KIAA1671: variants seen among roughly 807,000 people sequenced by gnomAD.
KIAA1671 encodes KIAA1671, also known as uncharacterized protein KIAA1671.
In KIAA1671, 52 loss-of-function variants were observed where a neutral mutation model predicts 131.2. The ratio of observed to expected loss-of-function variants is 0.40; its 90% CI spans 0.32 to 0.50. The LOEUF (loss-of-function observed/expected upper bound fraction) is 0.50, where lower values mean the gene tolerates loss of function less well. Ranked by LOEUF, KIAA1671 falls within the 20% of genes least tolerant of loss-of-function variation. The probability of loss-of-function intolerance (pLI) is 0.73; values close to 1 mark genes in which losing one functional copy is unlikely to be tolerated. For missense variants in KIAA1671, 2,360 were observed against 2,364.2 expected (o/e 1.00, Z 0.04); for synonymous variants, 1,003 against 961.6 (o/e 1.04, Z -0.80).
intron 6 of KIAA1671, among the ~76,000 whole-genome samples, chr22:25,081,442 G>T (rs555843075): frequency 6.6e-5 from 10 of 152,314 alleles, no homozygotes; most frequent in African/African-American, 2.4e-4. Context: ...GCATTTCATT[G>T]TGGAGACCAG....
At chr22:24,974,685 CTTTTTT>C (rs34171375) in intron 1 of KIAA1671, among the ~76,000 whole-genome samples, 2 of 81,258 alleles carry the variant, frequency 2.5e-5, no homozygotes, top group African/African-American at 5.4e-5. Context: ...CAGCTCACCT[CTTTTTT>C]TTTTTTTTTT....
chr22:25,016,336 C>CAAGAATCTCTTAGT (rs1925319088), intron 1 of KIAA1671, among the ~76,000 whole-genome samples: 1 of 152,094 alleles, frequency 6.6e-6, no homozygotes, highest in Admixed American at 6.6e-5. Context: ...ACAGGGGCTC[C>CAAGAATCTCTTAGT]CTTAAAAGAG....
At chr22:24,968,200 G>T (rs909306769) in intron 1 of KIAA1671, among the ~76,000 whole-genome samples, 1 of 152,188 alleles carries the variant, frequency 6.6e-6, no homozygotes, top group South Asian at 2.1e-4. Flanking sequence ...GGTAGGGAAG[G>T]GGGGCGGCGG....
intron 1 of KIAA1671, among the ~76,000 whole-genome samples, chr22:24,980,933 G>A (rs147149799): frequency 0.031 from 4,638 of 151,982 alleles, 105 homozygotes; most frequent in Non-Finnish European, 0.048. Flanking sequence ...TTTTAGTAGA[G>A]ACGGGCTTTC....
chr22:25,022,378 C>T (rs909529086), intron 1 of KIAA1671, among the ~76,000 whole-genome samples: 1 of 152,218 alleles, frequency 6.6e-6, no homozygotes, highest in Non-Finnish European at 1.5e-5. Flanking sequence ...CTTCCCTTCT[C>T]TCTTGTGAGG....
intron 1 of KIAA1671, among the ~76,000 whole-genome samples, chr22:24,996,110 G>A (rs531432633): frequency 1.3e-5 from 2 of 152,108 alleles, no homozygotes; most frequent in Non-Finnish European, 2.9e-5. Context: ...ACAAGGCTAG[G>A]TAAGTCATCT....
At position 24,969,451 on chromosome 22, in the gene KIAA1671, CA is replaced by C. The variant is rs368650335; in HGVS notation, c.-208+16688del. 5.8e-4 allele frequency among the ~76,000 whole-genome samples: 87 copies of C among 150,382 alleles called. No homozygotes were observed. The East Asian group carries it at 0.014, about 24-fold the overall frequency. On this transcript the variant is annotated intron_variant, in intron 1 of 12. Coordinates refer to ENST00000358431, the MANE Select transcript of KIAA1671 (RefSeq NM_001145206.2). ...CACTGTATTGTTTATGGAATAATGA[CA>C]AAAAAAAACCTCTGTACATGTTCAT...
At chr22:25,049,145 C>T in intron 5 of KIAA1671, 85 bp from the exon 6 acceptor site, 2 of 1,457,492 alleles carry the variant, frequency 1.4e-6, no homozygotes, top group Non-Finnish European at 1.8e-6. Flanking sequence ...CTTTTTGGTA[C>T]AGAATGGACT....
At chr22:24,979,136 C>T (rs942504226) in intron 1 of KIAA1671, among the ~76,000 whole-genome samples, 19 of 148,726 alleles carry the variant, frequency 1.3e-4, no homozygotes, top group Admixed American at 8.8e-4. Context: ...GCTGGGATTA[C>T]AGGCGCACAT....
intron 6 of KIAA1671, 55 bp from the exon 7 acceptor site, chr22:25,170,765 G>A (rs1240627481): frequency 1.5e-5 from 23 of 1,508,372 alleles, no homozygotes; most frequent in Non-Finnish European, 1.9e-5. Context: ...CAGCCGGGAC[G>A]GGGGTTCTGA....
rs574611877 is a variant in KIAA1671, at chr22:25,126,897, T to C, written c.4531-43923T>C. ...ATATGTTAAAAATAATGAGACTCCGTCCCTGCATTTGGGTTTTTAGAAAAG... is the reference window on the plus strand; with the variant it reads ...ATATGTTAAAAATAATGAGACTCCGCCCCTGCATTTGGGTTTTTAGAAAAG... On this transcript the variant is annotated intron_variant, in intron 6 of 12. Coordinates refer to ENST00000358431, the MANE Select transcript of KIAA1671 (RefSeq NM_001145206.2). Among the ~76,000 whole-genome samples the C allele has an allele frequency of 3.3e-5, 5 of 152,318 alleles. No individual in the cohort carries two copies. In the South Asian group the frequency reaches 1.0e-3, roughly 32 times the overall value.
chr22:25,155,719 TA>T (rs1253810144), intron 6 of KIAA1671, among the ~76,000 whole-genome samples: 1 of 152,108 alleles, frequency 6.6e-6, no homozygotes, highest in Admixed American at 6.6e-5. Flanking sequence ...GTTATGTGTA[TA>T]TTTTTGTGTA....
intron 1 of KIAA1671, among the ~76,000 whole-genome samples, chr22:25,004,347 C>T (rs1924629536): frequency 6.6e-6 from 1 of 152,080 alleles, no homozygotes; most frequent in Admixed American, 6.6e-5. Context: ...AACTCCTGGC[C>T]TCAAGTGAGG....
intron 1 of KIAA1671, among the ~76,000 whole-genome samples, chr22:24,968,133 T>G (rs1468028611): frequency 6.6e-6 from 1 of 152,170 alleles, no homozygotes; most frequent in Non-Finnish European, 1.5e-5. Flanking sequence ...AGTCCTGCCT[T>G]GATGCAGATG....
intron 1 of KIAA1671, among the ~76,000 whole-genome samples, chr22:25,017,399 G>T (rs1372629854): frequency 6.6e-6 from 1 of 151,902 alleles, no homozygotes; most frequent in African/African-American, 2.4e-5. Context: ...ACAAAAAAAG[G>T]GGGTGGTAAC....
At chr22:25,189,512 T>G (rs1218065661) in intron 11 of KIAA1671, among the ~76,000 whole-genome samples, 1 of 152,190 alleles carries the variant, frequency 6.6e-6, no homozygotes, top group Admixed American at 6.5e-5. Context: ...ACTGAGTAGA[T>G]GAGGCCCTTT....
At chr22:25,016,141 C>T (rs2123883337) in intron 1 of KIAA1671, among the ~76,000 whole-genome samples, 1 of 152,228 alleles carries the variant, frequency 6.6e-6, no homozygotes, top group Admixed American at 6.5e-5. Flanking sequence ...CTGCCTCAGC[C>T]TCCCAAGTAG....
chr22:25,142,718 A>G (rs748689592), intron 6 of KIAA1671, among the ~76,000 whole-genome samples: 1 of 152,162 alleles, frequency 6.6e-6, no homozygotes, highest in African/African-American at 2.4e-5. Context: ...ATAAAAATAG[A>G]AAAATTAGCC....
At chr22:25,187,595 C>T (rs1934521937) in intron 11 of KIAA1671, among the ~76,000 whole-genome samples, 1 of 152,116 alleles carries the variant, frequency 6.6e-6, no homozygotes, top group Non-Finnish European at 1.5e-5. Context: ...TAGCCTCGAC[C>T]TCCCCAGTCT....
Sources: gnomAD v4.1 joint callset for allele counts (sites outside exome capture counted in the v4.1 genomes callset) on GRCh38, gnomAD v4.1.1 for gene constraint, MANE v1.5 for transcripts, NCBI Gene and HGNC (gene_info 2026-07-23, HGNC 2026-07-21) for gene names.